Variants in TENM4 observed in about 807,000 individuals in gnomAD.
TENM4 encodes the protein teneurin transmembrane protein 4.
In TENM4, 82 loss-of-function variants were observed where a neutral mutation model predicts 243.3. The ratio of observed to expected loss-of-function variants is 0.34; its 90% confidence interval spans 0.28 to 0.40. TENM4 has a LOEUF of 0.40. TENM4 is among the 10% of genes least tolerant of loss of function. The pLI, the probability that TENM4 is intolerant of heterozygous loss-of-function variation, is 1.00. For missense variants in TENM4, 3,138 were observed against 3,673.3 expected, an observed-to-expected ratio of 0.85 and a Z score of 3.77; for synonymous variants, 1,412 against 1,456.3, an observed-to-expected ratio of 0.97 and a Z score of 0.69.
intron 1 of TENM4, among the ~76,000 whole-genome samples, chr11:79,413,193 G>T (rs1400687343): frequency 6.6e-6 from 1 of 152,172 alleles, no homozygotes; most frequent in Non-Finnish European, 1.5e-5. Context: ...CACATTCTGG[G>T]CACCTTGTGT....
intron 10 of TENM4, among the ~76,000 whole-genome samples, chr11:78,857,623 A>T (rs1858710711): frequency 6.6e-6 from 1 of 152,246 alleles, no homozygotes; most frequent in Non-Finnish European, 1.5e-5. Flanking sequence ...CAAAAAAGTT[A>T]AAATGTGCAC....
intron 1 of TENM4, among the ~76,000 whole-genome samples, chr11:79,308,564 G>T (rs1856665122): frequency 1.3e-5 from 2 of 152,204 alleles, no homozygotes; most frequent in African/African-American, 2.4e-5. Flanking sequence ...GGAGAAAATG[G>T]TAACTTTCAG....
chr11:79,320,734 AGATAAT>A (rs1161128474), intron 1 of TENM4, among the ~76,000 whole-genome samples: 2 of 152,248 alleles, frequency 1.3e-5, no homozygotes, highest in Non-Finnish European at 2.9e-5. Flanking sequence ...ATAAGAATGA[AGATAAT>A]GATAATGATA....
At chr11:79,172,840 C>T (rs972087853) in intron 3 of TENM4, among the ~76,000 whole-genome samples, 9 of 152,034 alleles carry the variant, frequency 5.9e-5, no homozygotes, top group African/African-American at 1.9e-4. Context: ...GGAGTTTCTC[C>T]GTGTTGGCCA....
intron 4 of TENM4, among the ~76,000 whole-genome samples, chr11:79,111,321 A>G (rs1053435328): frequency 1.3e-5 from 2 of 152,114 alleles, no homozygotes; most frequent in Non-Finnish European, 2.9e-5. Context: ...CGAGGTGGGT[A>G]GATTACAAGG....
chr11:78,862,699 G>A (rs1464658922), intron 10 of TENM4, among the ~76,000 whole-genome samples: 1 of 152,152 alleles, frequency 6.6e-6, no homozygotes, highest in Non-Finnish European at 1.5e-5. Context: ...AGCCCCTAAT[G>A]CTTCCCTCAA....
intron 6 of TENM4, among the ~76,000 whole-genome samples, chr11:78,975,617 CATATAT>C (rs751405946): frequency 4.6e-5 from 3 of 64,914 alleles, no homozygotes; most frequent in African/African-American, 1.8e-4. Context: ...CACACACACA[CATATAT>C]ATATATATAT....
At chr11:78,883,520 A>G (rs1855483801) in intron 9 of TENM4, among the ~76,000 whole-genome samples, 1 of 152,234 alleles carries the variant, frequency 6.6e-6, no homozygotes, top group Non-Finnish European at 1.5e-5. Context: ...TACAGCAATC[A>G]GCAACCAGTG....
At chr11:78,728,444 C>T (rs925188500) in intron 22 of TENM4, among the ~76,000 whole-genome samples, 8 of 151,964 alleles carry the variant, frequency 5.3e-5, no homozygotes, top group Admixed American at 2.0e-4. Context: ...TTATTTCCTT[C>T]CCACCTCTCT....
intron 6 of TENM4, among the ~76,000 whole-genome samples, chr11:79,016,798 T>C (rs943702020): frequency 6.6e-6 from 1 of 152,222 alleles, no homozygotes. Flanking sequence ...ATTTGGTTCA[T>C]CAAAAGACCC....
At chr11:78,935,328 A>G (rs1368433664) in intron 6 of TENM4, among the ~76,000 whole-genome samples, 4 of 152,146 alleles carry the variant, frequency 2.6e-5, no homozygotes, top group African/African-American at 9.7e-5. Flanking sequence ...TGCAACTTTT[A>G]AGAGTTTCTT....
chr11:79,106,160 A>G (rs1229290848), intron 4 of TENM4, among the ~76,000 whole-genome samples: 1 of 152,202 alleles, frequency 6.6e-6, no homozygotes, highest in Non-Finnish European at 1.5e-5. Context: ...AAGTAACATT[A>G]TTTGCTCCAA....
chr11:79,239,317 G>A (rs970910827), intron 2 of TENM4, among the ~76,000 whole-genome samples: 13 of 152,168 alleles, frequency 8.5e-5, no homozygotes, highest in Admixed American at 3.3e-4. Context: ...TCTCATCCAC[G>A]AAAAATACAA....
rs142408675 is a variant in TENM4, at chr11:78,856,062, T to C, written c.1372A>G (p.Ile458Val). The part of the protein sequence containing the change: ...PGTFWRSQVF[I>V]DHPVHLKFNV... ...AATTTCAGATGCACAGGATGGTCTA[T>C]GAACACTTGAGATCTCCAGAAAGTG... The change falls in exon 11 of 34, where the codon ATA becomes GTA. Residue 458 changes from isoleucine to valine, a missense_variant. This residue lies in a region of TENM4 where 2,467 missense variants were observed against 3,059.1 expected (regional missense o/e 0.81). Coordinates refer to ENST00000278550, the MANE Select transcript of TENM4 (RefSeq NM_001098816.3). 245 of 1,551,732 alleles carry C rather than the reference T, an allele frequency of 1.6e-4. No individual in the cohort carries two copies. In the African/African-American group the frequency reaches 3.0e-3, roughly 19 times the overall value.
At chr11:79,420,076 G>A (rs1858898736) in intron 1 of TENM4, among the ~76,000 whole-genome samples, 1 of 152,124 alleles carries the variant, frequency 6.6e-6, no homozygotes, top group African/African-American at 2.4e-5. Context: ...TGTTCTCTTT[G>A]TTCCATATAT....
chr11:79,298,915 GCTCT>G (rs1449271655), intron 1 of TENM4, among the ~76,000 whole-genome samples: 2 of 152,058 alleles, frequency 1.3e-5, no homozygotes, highest in African/African-American at 2.4e-5. Flanking sequence ...TGTTTCTGCA[GCTCT>G]CTATTTCTGC....
At chr11:78,726,289 TAGGCAA>T in intron 22 of TENM4, 67 bp from the exon 23 acceptor site, 2 of 1,544,534 alleles carry the variant, frequency 1.3e-6, no homozygotes, top group Non-Finnish European at 1.7e-6. Flanking sequence ...TTTAGACCTG[TAGGCAA>T]GGCCCCTGGC....
At chr11:78,997,915 G>C (rs1321188122) in intron 6 of TENM4, among the ~76,000 whole-genome samples, 3 of 152,186 alleles carry the variant, frequency 2.0e-5, no homozygotes, top group Admixed American at 2.0e-4. Flanking sequence ...AGGAGGAAAA[G>C]AGAAGTCTTC....
chr11:78,686,936 T>C (rs1245549094), intron 29 of TENM4, among the ~76,000 whole-genome samples: 1 of 152,252 alleles, frequency 6.6e-6, no homozygotes, highest in Non-Finnish European at 1.5e-5. Context: ...TTTCTCATGG[T>C]AAGTTAAACT....
Sources: gnomAD v4.1 joint callset for allele counts (sites outside exome capture counted in the v4.1 genomes callset) on GRCh38, gnomAD v4.1.1 for gene constraint, gnomAD v4.1.1 regional missense constraint, MANE v1.5 for transcripts, NCBI Gene and HGNC (gene_info 2026-07-23, HGNC 2026-07-21) for gene names.